Variants in CRP observed in about 807,000 individuals in gnomAD.
CRP encodes the protein C-reactive protein, pentraxin-related.
In CRP, 6 loss-of-function variants were observed where a neutral mutation model predicts 3.0. The ratio of observed to expected loss-of-function variants is 2.02; its 90% CI spans 1.11 to 3.99. The LOEUF is 3.99. Among genes scored for constraint, CRP ranks in the 30% most tolerant of loss-of-function variants. The pLI is 0.00. For missense variants in CRP, 297 were observed against 271.0 expected (o/e 1.10, Z -0.67); for synonymous variants, 130 against 111.0 (o/e 1.17, Z -1.08).
At chr1:159,714,257 C>A (rs1660765646) in intron 1 of CRP, 119 bp from the exon 2 acceptor site, 4 of 724,250 alleles carry the variant, frequency 5.5e-6, no homozygotes, top group Non-Finnish European at 6.6e-6. Context: ...CAGTTACACA[C>A]CACACACACA....
chr1:159,714,257 C>CCACACACA (rs59936680), intron 1 of CRP, 119 bp from the exon 2 acceptor site: 204 of 724,240 alleles, frequency 2.8e-4, no homozygotes, highest in Middle Eastern at 3.5e-4. Flanking sequence ...CAGTTACACA[C>CCACACACA]CACACACACA....
At position 159,713,380 on chromosome 1, in the gene CRP, T is replaced by G; in HGVS notation, c.*145A>C. On this transcript the variant is annotated 3_prime_UTR_variant, in exon 2 of 2. Transcript: ENST00000255030. ...GGCGCTGAGGAGGGTGGAGCAGGCC[T>G]GCAATGCATATAGGGGAACAAAGGC... is the stretch of plus-strand genomic sequence containing the variant. 1 of 1,057,880 alleles carries G rather than the reference T, an allele frequency of 9.5e-7. No individual in the cohort carries two copies. Among genetic ancestry groups the G allele is most frequent in the Non-Finnish European group, 1.3e-6 (1 of 747,754 alleles). 65.5% of individuals were successfully genotyped at this position (1,057,880 alleles called of 1,614,324 possible). A position where few individuals can be genotyped will look rare whatever the true frequency, so the allele number is the denominator to read the frequency against.
rs777282181 is a variant in CRP at position 159,713,827 on chromosome 1, C to T, written c.373G>A (p.Val125Met). 23 of 1,614,154 alleles carry T rather than the reference C, an allele frequency of 1.4e-5. No homozygotes were observed. The highest frequency in any genetic ancestry group is 5.0e-5 in the Admixed American group (3 of 60,026). Residue 125 changes from valine to methionine, a missense_variant, in exon 2 of 2, where the codon GTG becomes ATG. Coordinates refer to ENST00000255030, the MANE Select transcript of CRP (RefSeq NM_000567.3). ...GGCTTCCCATCTACCCAGAACTCCACGATCCCTGAGGCGGACTCCCAGCTT... is the reference window on the plus strand; with the variant it reads ...GGCTTCCCATCTACCCAGAACTCCATGATCCCTGAGGCGGACTCCCAGCTT... ...CTSWESASGIVEFWVDGKPRV... is the reference protein window; with the variant it reads ...CTSWESASGIMEFWVDGKPRV...
Position 159,713,584 on chromosome 1 carries a change from G to T in CRP, c.616C>A (p.Arg206=). 1.2e-6 allele frequency: 2 copies of T among 1,614,086 alleles called. No homozygotes were observed. The highest frequency in any genetic ancestry group is 1.7e-6 in the Non-Finnish European group (2 of 1,180,018). Residue 206 remains arginine (R), a synonymous_variant, in exon 2 of 2, where the codon CGG becomes AGG. Coordinates refer to ENST00000255030, the MANE Select transcript of CRP (RefSeq NM_000567.3). ...CCTTGCACTTCATACTTCAGTGCCC[G>T]CCAGTTCAGGACATTAGGACTGAAG... ...GPFSPNVLNW[R]ALKYEVQGEV...
At position 159,713,923 on chromosome 1, in the gene CRP, A is replaced by G; in HGVS notation, c.277T>C (p.Phe93Leu). Reference sequence around the variant, plus strand: ...AATATTTCAGACCCACCCACTGTAAAACTGTATCCTATATCCTTAGACCAA... The same window carrying G: ...AATATTTCAGACCCACCCACTGTAAGACTGTATCCTATATCCTTAGACCAA... Reference protein sequence around the residue: ...IFWSKDIGYSFTVGGSEILFE... With the variant: ...IFWSKDIGYSLTVGGSEILFE... Residue 93 changes from phenylalanine to leucine, a missense_variant, in exon 2 of 2, where the codon TTT becomes CTT. By Grantham distance (22) the Phe-to-Leu change is conservative. Transcript: ENST00000255030. 1.9e-6 allele frequency: 3 copies of G among 1,614,002 alleles called. No individual in the cohort carries two copies. Among genetic ancestry groups the G allele is most frequent in the Non-Finnish European group, 1.7e-6 (2 of 1,180,014 alleles).
rs1471681627 is a variant in CRP at position 159,713,998 on chromosome 1, T to C, written c.202A>G (p.Ser68Gly). ...YTELSSTRGYSIFSYATKRQD... is the reference protein window; with the variant it reads ...YTELSSTRGYGIFSYATKRQD... ...CTCTTGGTGGCATACGAGAAAATAC[T>C]GTACCCACGGGTCGAGGACAGTTCC... The change falls in exon 2 of 2, where the codon AGT becomes GGT. Residue 68 changes from serine to glycine, a missense_variant. Coordinates refer to ENST00000255030, the MANE Select transcript of CRP (RefSeq NM_000567.3). 4 of 1,613,564 alleles carry C rather than the reference T, an allele frequency of 2.5e-6. No homozygotes were observed. Among genetic ancestry groups the C allele is most frequent in the Admixed American group, 1.7e-5 (1 of 60,004 alleles).
rs1660709318 is a variant in CRP, at chr1:159,712,903, A to T, written c.*622T>A. 2 of 152,416 alleles carry T rather than the reference A, an allele frequency of 1.3e-5. No individual in the cohort carries two copies. Among genetic ancestry groups the T allele is most frequent in the Admixed American group, 1.3e-4 (2 of 15,286 alleles). 9.4% of individuals were successfully genotyped at this position (152,416 alleles called of 1,614,324 possible). ...AAAGCAGATCTGCTCTGCTGGGGCA[A>T]TTCTAATGGCCTTTCCAGTGTGCTT... On this transcript the variant is annotated 3_prime_UTR_variant, in exon 2 of 2. Transcript: ENST00000255030.
rs377351051 is a variant in CRP, at chr1:159,714,007, G to T, written c.193C>A (p.Arg65Ser). 2 of 1,613,144 alleles carry T rather than the reference G, an allele frequency of 1.2e-6. No homozygotes were observed. Among genetic ancestry groups the T allele is most frequent in the South Asian group, 1.1e-5 (1 of 91,058 alleles). ...GCATACGAGAAAATACTGTACCCAC[G>T]GGTCGAGGACAGTTCCGTGTAGAAG... ...LHFYTELSSTRGYSIFSYATK... is the reference protein window; with the variant it reads ...LHFYTELSSTSGYSIFSYATK... The change falls in exon 2 of 2, where the codon CGT (arginine) becomes AGT (serine). Residue 65 changes from arginine to serine, a missense_variant. Arg to Ser is a moderately radical substitution (Grantham distance 110). Transcript: ENST00000255030.
rs760410118 is a variant in CRP, at chr1:159,713,988, G to C, written c.212C>G (p.Ser71Trp). The change falls in exon 2 of 2, where the codon TCG (serine) becomes TGG (tryptophan). Residue 71 changes from serine to tryptophan, a missense_variant. Physicochemically the swap from Ser to Trp is radical, Grantham distance 177. Coordinates refer to ENST00000255030, the MANE Select transcript of CRP (RefSeq NM_000567.3). ...LSSTRGYSIF[S>W]YATKRQDNEI... ...ATTGTCTTGTCTCTTGGTGGCATAC[G>C]AGAAAATACTGTACCCACGGGTCGA... 11 of 1,613,398 alleles carry C rather than the reference G, an allele frequency of 6.8e-6. No homozygotes were observed. In the African/African-American group the frequency reaches 1.3e-4, roughly 20 times the overall value.
At chr1:159,714,232 G>T in intron 1 of CRP, 94 bp from the exon 2 acceptor site, 1 of 1,474,056 alleles carries the variant, frequency 6.8e-7, no homozygotes, top group Non-Finnish European at 9.1e-7. Flanking sequence ...TTGAGAAACA[G>T]ACTGACCCCT....
chr1:159,713,785 G>T lies in CRP; in HGVS notation c.415C>A (p.Leu139Met), dbSNP rs1184509425. Residue 139 changes from leucine (L) to methionine (M), a missense_variant, in exon 2 of 2, where the codon CTG becomes ATG. By Grantham distance (15) the Leu-to-Met change is conservative. Coordinates refer to ENST00000255030, the MANE Select transcript of CRP (RefSeq NM_000567.3). ...VDGKPRVRKS[L>M]KKGYTVGAEA... ...GCCCCCACAGTGTATCCCTTCTTCA[G>T]ACTCTTCCTCACCCTGGGCTTCCCA... 1 of 1,614,080 alleles carries T rather than the reference G, an allele frequency of 6.2e-7. No individual in the cohort carries two copies. Among genetic ancestry groups the T allele is most frequent in the Non-Finnish European group, 8.5e-7 (1 of 1,180,028 alleles).
chr1:159,713,459 G>T lies in CRP; in HGVS notation c.*66C>A. 6.5e-7 allele frequency: 1 copy of T among 1,532,162 alleles called. No individual in the cohort carries two copies. The highest frequency in any genetic ancestry group is 8.7e-7 in the Non-Finnish European group (1 of 1,146,100). 94.9% of individuals were successfully genotyped at this position (1,532,162 alleles called of 1,614,324 possible). On this transcript the variant is annotated 3_prime_UTR_variant, in exon 2 of 2. Transcript: ENST00000255030. ...GTGTAAAAAAGCGGGAGGTACCAGAGACAGAGACGTGGGGCCCATGCGGTG... is the reference window on the plus strand; with the variant it reads ...GTGTAAAAAAGCGGGAGGTACCAGATACAGAGACGTGGGGCCCATGCGGTG...
intron 1 of CRP, 65 bp from the exon 2 acceptor site, chr1:159,714,203 T>C: frequency 6.5e-7 from 1 of 1,548,066 alleles, no homozygotes; most frequent in South Asian, 1.3e-5. Context: ...ATCCCCTCAC[T>C]TACGTATAGA....
In CRP at chr1:159,713,338, C is replaced by T. The variant is rs1276278350; in HGVS notation, c.*187G>A. The stretch of plus-strand genomic sequence containing the variant: ...AGTTAACGAGCTCCCAGACCAGACA[C>T]TTTACCTCCATTCTCAGGCGCTGAG... On this transcript the variant is annotated 3_prime_UTR_variant, in exon 2 of 2. Transcript: ENST00000255030. 1 of 659,330 alleles carries T rather than the reference C, an allele frequency of 1.5e-6. No individual in the cohort carries two copies. The allele number at this position is 659,330 out of a possible 1,614,324, so 40.8% of individuals were successfully genotyped here. A position where few individuals can be genotyped will look rare whatever the true frequency, so the allele number is the denominator to read the frequency against.
At chr1:159,714,360 G>A (rs1660772442) in intron 1 of CRP, 65 bp downstream of exon 1, 3 of 1,243,944 alleles carry the variant, frequency 2.4e-6, no homozygotes, top group African/African-American at 3.4e-5. Context: ...GACTGTTCAT[G>A]CAGTCTTAGA....
At chr1:159,714,209 A>T in intron 1 of CRP, 71 bp from the exon 2 acceptor site, 1 of 1,544,070 alleles carries the variant, frequency 6.5e-7, no homozygotes, top group South Asian at 1.3e-5. Context: ...TCACTTACGT[A>T]TAGAATTTAA....
At position 159,713,305 on chromosome 1, in the gene CRP, C is replaced by T; in HGVS notation, c.*220G>A. On this transcript the variant is annotated 3_prime_UTR_variant, in exon 2 of 2. Transcript: ENST00000255030. ...AAATTCTGATTCTTTTGGACCGTTT[C>T]CCAGCATAGTTAACGAGCTCCCAGA... 1 of 517,662 alleles carries T rather than the reference C, an allele frequency of 1.9e-6. No individual in the cohort carries two copies. The highest frequency in any genetic ancestry group is 3.3e-6 in the Non-Finnish European group (1 of 300,636). The allele number at this position is 517,662 out of a possible 1,614,324, so 32.1% of individuals were successfully genotyped here.
At position 159,713,403 on chromosome 1, in the gene CRP, G is replaced by C; in HGVS notation, c.*122C>G. On this transcript the variant is annotated 3_prime_UTR_variant, in exon 2 of 2. Coordinates refer to ENST00000255030, the MANE Select transcript of CRP (RefSeq NM_000567.3). ...CCTGCAATGCATATAGGGGAACAAA[G>C]GCCCAGAGACAGAGACGTGGGAACC... is the stretch of plus-strand genomic sequence containing the variant. 1 of 1,334,010 alleles carries C rather than the reference G, an allele frequency of 7.5e-7. No individual in the cohort carries two copies. The highest frequency in any genetic ancestry group is 2.7e-4 in the Middle Eastern group (1 of 3,684). The allele number at this position is 1,334,010 out of a possible 1,614,324, so 82.6% of individuals were successfully genotyped here.
At position 159,713,937 on chromosome 1, in the gene CRP, T is replaced by A. The variant is rs1462260592; in HGVS notation, c.263A>T (p.Asp88Val). ...DNEILIFWSKDIGYSFTVGGS... is the reference protein window; with the variant it reads ...DNEILIFWSKVIGYSFTVGGS... The stretch of plus-strand genomic sequence containing the variant: ...ACCCACTGTAAAACTGTATCCTATA[T>A]CCTTAGACCAAAATATGAGAATCTC... Residue 88 changes from aspartate to valine, a missense_variant, in exon 2 of 2, where the codon GAT (aspartate) becomes GTT (valine). By Grantham distance (152) the Asp-to-Val change is radical (BLOSUM62 -3). Coordinates refer to ENST00000255030, the MANE Select transcript of CRP (RefSeq NM_000567.3). 6.2e-7 allele frequency: 1 copy of A among 1,613,684 alleles called. No homozygotes were observed. Among genetic ancestry groups the A allele is most frequent in the African/African-American group, 1.3e-5 (1 of 74,790 alleles).
Sources: allele counts gnomAD v4.1 joint callset, GRCh38; gene constraint gnomAD v4.1.1; transcripts MANE v1.5; gene names NCBI Gene and HGNC (gene_info 2026-07-23, HGNC 2026-07-21).